The following VPS50 variants were observed in gnomAD, a reference collection of about 807,000 sequenced individuals.
The protein encoded by VPS50 is VPS50 subunit of EARP/GARPII complex.
A neutral mutation model predicts 139.7 loss-of-function variants in VPS50; 70 were observed. That is an observed-to-expected ratio of 0.50 (90% CI 0.41 to 0.61). The LOEUF is 0.61. Ranked by LOEUF, VPS50 falls within the 20% of genes least tolerant of loss-of-function variation. VPS50 has a pLI of 0.00. For missense variants in VPS50, 921 were observed against 1,133.7 expected, an observed-to-expected ratio of 0.81 and a Z score of 2.69; for synonymous variants, 365 against 376.7, an observed-to-expected ratio of 0.97 and a Z score of 0.36.
intron 18 of VPS50, among the ~76,000 whole-genome samples, chr7:93,306,326 T>G (rs73219906): frequency 0.042 from 6,339 of 152,014 alleles, 171 homozygotes; most frequent in African/African-American, 0.065. Flanking sequence ...TTATGTGATA[T>G]ATTGTGAGAT....
At chr7:93,252,595 A>T (rs1795366819) in intron 2 of VPS50, 58 bp from the exon 3 acceptor site, 1 of 1,120,414 alleles carries the variant, frequency 8.9e-7, no homozygotes, top group Non-Finnish European at 1.3e-6. Flanking sequence ...ATTTATTTCC[A>T]TGCAGATATA....
At chr7:93,306,716 A>ATATT (rs901566328) in intron 18 of VPS50, among the ~76,000 whole-genome samples, 21 of 151,876 alleles carry the variant, frequency 1.4e-4, no homozygotes, top group African/African-American at 5.1e-4. Flanking sequence ...TTGACTTAAT[A>ATATT]TTTTGTTTGA....
At chr7:93,291,596 T>G in intron 12 of VPS50, 107 bp from the exon 13 acceptor site, 3 of 615,722 alleles carry the variant, frequency 4.9e-6, no homozygotes, top group Admixed American at 3.7e-5. Flanking sequence ...GAAGAAATTT[T>G]CTTGGTTATT....
At chr7:93,269,087 G>A (rs1442982234) in intron 9 of VPS50, among the ~76,000 whole-genome samples, 2 of 152,092 alleles carry the variant, frequency 1.3e-5, no homozygotes, top group African/African-American at 2.4e-5. Context: ...GAACAGCTCT[G>A]AGGGAGAGAA....
intron 23 of VPS50, among the ~76,000 whole-genome samples, chr7:93,345,641 G>A (rs1046571837): frequency 7.2e-5 from 11 of 152,102 alleles, no homozygotes; most frequent in Non-Finnish European, 1.6e-4. Context: ...GATCAAGTGG[G>A]CTTCATCCCT....
chr7:93,303,603 CTTTT>C lies in VPS50; in HGVS notation c.1452+58_1452+61del, dbSNP rs1039756408. ...CTGTCTTTTAGTAATGTATTTTACC[CTTTT>C]TTTTGAAAAAAAAAATCCAGAAATA... On this transcript the variant is annotated intron_variant, in intron 17 of 27. Transcript: ENST00000305866. 3 of 735,866 alleles carry C rather than the reference CTTTT, an allele frequency of 4.1e-6. No homozygotes were observed. In the African/African-American group the frequency reaches 5.5e-5, roughly 13 times the overall value. The allele number at this position is 735,866 out of a possible 1,614,324, so 45.6% of individuals were successfully genotyped here.
chr7:93,245,701 A>G (rs1333769275), intron 2 of VPS50, among the ~76,000 whole-genome samples: 2 of 151,886 alleles, frequency 1.3e-5, no homozygotes, highest in African/African-American at 4.8e-5. Context: ...TTGTAACTTC[A>G]ACAGTATTCC....
At chr7:93,291,649 A>G in intron 12 of VPS50, 54 bp from the exon 13 acceptor site, 1 of 953,376 alleles carries the variant, frequency 1.0e-6, no homozygotes, top group Non-Finnish European at 1.5e-6. Context: ...ATTTTATTAT[A>G]ACTGTTAGAG....
At chr7:93,258,535 G>A (rs1795562597) in intron 8 of VPS50, 143 bp downstream of exon 8, 1 of 650,622 alleles carries the variant, frequency 1.5e-6, no homozygotes, top group African/African-American at 1.9e-5. Context: ...AGACGTCAAA[G>A]ATTCTTGCTC....
intron 5 of VPS50, among the ~76,000 whole-genome samples, chr7:93,256,921 CT>C (rs1795501871): frequency 6.6e-6 from 1 of 152,046 alleles, no homozygotes. Context: ...AAAATTGGTA[CT>C]GTCTAACTGA....
chr7:93,271,164 T>C (rs561311041), intron 9 of VPS50, 56 bp from the exon 10 acceptor site: 28 of 1,552,606 alleles, frequency 1.8e-5, no homozygotes, highest in African/African-American at 1.3e-4. Context: ...ATGTATTTAT[T>C]TAGCACTTAG....
At chr7:93,357,705 T>G (rs564104487) in intron 27 of VPS50, among the ~76,000 whole-genome samples, 14 of 152,310 alleles carry the variant, frequency 9.2e-5, no homozygotes, top group African/African-American at 3.1e-4. Flanking sequence ...CTGCAGAAAT[T>G]TCTGATGAAT....
chr7:93,268,375 T>A (rs540511943), intron 9 of VPS50, among the ~76,000 whole-genome samples: 3 of 152,314 alleles, frequency 2.0e-5, no homozygotes, highest in South Asian at 4.1e-4. Context: ...TGTGCATGTC[T>A]GTTACATAGG....
intron 21 of VPS50, among the ~76,000 whole-genome samples, chr7:93,330,761 C>CA (rs57338525): frequency 0.45 from 37,477 of 83,802 alleles, 9,852 homozygotes; most frequent in Middle Eastern, 0.69. Context: ...GACCCTGTCT[C>CA]AAAAAAAAAA....
chr7:93,268,217 G>A (rs778317496), intron 9 of VPS50, among the ~76,000 whole-genome samples: 4 of 152,164 alleles, frequency 2.6e-5, no homozygotes, highest in Non-Finnish European at 4.4e-5. Flanking sequence ...GTTTCTGACA[G>A]CTTTTTGAAG....
At chr7:93,283,115 C>G (rs1023454343) in intron 12 of VPS50, among the ~76,000 whole-genome samples, 6 of 151,956 alleles carry the variant, frequency 3.9e-5, no homozygotes, top group Non-Finnish European at 7.4e-5. Context: ...AATAAGCTAG[C>G]CTGTTACTAT....
rs576967078 is a variant in VPS50 at position 93,271,033 on chromosome 7, A to G, written c.660-187A>G. 46 of 816,100 alleles carry G rather than the reference A, an allele frequency of 5.6e-5. No individual in the cohort carries two copies. In the African/African-American group the frequency reaches 8.1e-4, roughly 14 times the overall value. The allele number at this position is 816,100 out of a possible 1,614,324, so 50.6% of individuals were successfully genotyped here. On this transcript the variant is annotated intron_variant, in intron 9 of 27. Transcript: ENST00000305866. The stretch of plus-strand genomic sequence containing the variant: ...CTCACGCAATCCTGTTGCTGCTGCT[A>G]ATGACTCTTATTCCCTTCTAATACT...
rs1238627274 is a variant in VPS50, at chr7:93,341,504, T to C, written c.2136T>C (p.Ser712=). The change falls in exon 23 of 28, where the codon AGT becomes AGC. Residue 712 remains serine (S), a synonymous_variant. Coordinates refer to ENST00000305866, the MANE Select transcript of VPS50 (RefSeq NM_017667.4). ...RKEKVPSPHL[S]HLVVLTSGDT... ...AGAAGGTGCCAAGTCCACACCTCAGTCACCTAGTGGTTTTGACATCTGGGG... is the reference window on the plus strand; with the variant it reads ...AGAAGGTGCCAAGTCCACACCTCAGCCACCTAGTGGTTTTGACATCTGGGG... The C allele has an allele frequency of 6.2e-7, 1 of 1,611,012 alleles. No individual in the cohort carries two copies. The highest frequency in any genetic ancestry group is 1.7e-5 in the Admixed American group (1 of 59,992).
At chr7:93,255,597 T>C (rs779964971) in intron 4 of VPS50, among the ~76,000 whole-genome samples, 1 of 152,248 alleles carries the variant, frequency 6.6e-6, no homozygotes, top group Admixed American at 6.5e-5. Context: ...CATTGATATT[T>C]CTTCATTAAT....
Sources: allele counts gnomAD v4.1 joint callset (sites outside exome capture counted in the v4.1 genomes callset), GRCh38; gene constraint gnomAD v4.1.1; transcripts MANE v1.5; gene names NCBI Gene and HGNC (gene_info 2026-07-23, HGNC 2026-07-21).